Variants in TPTE observed in about 807,000 individuals in gnomAD.
The protein encoded by TPTE is transmembrane phosphatase with tensin homology, also known as putative tyrosine-protein phosphatase TPTE.
Under a neutral mutation model 84.1 loss-of-function variants are expected in TPTE, and 59 were observed. That is an observed-to-expected ratio of 0.70 (90% CI 0.57 to 0.87). The LOEUF (loss-of-function observed/expected upper bound fraction) is 0.87, where lower values mean the gene tolerates loss of function less well. Ranked by LOEUF, TPTE falls within the 40% of genes least tolerant of loss-of-function variation. The probability of loss-of-function intolerance (pLI) is 0.00; values close to 1 mark genes in which losing one functional copy is unlikely to be tolerated. For synonymous variants in TPTE, 130 were observed against 223.5 expected (o/e 0.58, Z 3.73); for missense variants, 382 against 659.6 (o/e 0.58, Z 4.61).
chr21:10,592,435 T>TA, intron 19 of TPTE, 62 bp downstream of exon 19: 1 of 1,590,012 alleles, frequency 6.3e-7, no homozygotes, highest in Non-Finnish European at 8.6e-7. Context: ...TGCCACCTGT[T>TA]ATTTGGTTTC....
In TPTE at chr21:10,524,698, T is replaced by TA. The variant is rs1360445387; in HGVS notation, c.-102+10_-102+11insA. 1 of 152,846 alleles carries TA rather than the reference T, an allele frequency of 6.5e-6. No homozygotes were observed. Among genetic ancestry groups the TA allele is most frequent in the Non-Finnish European group, 1.5e-5 (1 of 68,504 alleles). The allele number at this position is 152,846 out of a possible 1,614,324, so 9.5% of individuals were successfully genotyped here. On this transcript the variant is annotated intron_variant, in intron 2 of 23. Transcript: ENST00000618007. ...GCAGTCTGGTGTATAGGTAAGCATGTCCAGGGCTTATAGGGAGAAACTCCC... is the reference window on the plus strand; with the variant it reads ...GCAGTCTGGTGTATAGGTAAGCATGTACCAGGGCTTATAGGGAGAAACTCCC...
In TPTE at chr21:10,521,672, C is replaced by T. The variant is rs1451092228; in HGVS notation, c.-233C>T. The T allele has an allele frequency of 6.5e-6, 1 of 154,214 alleles. No homozygotes were observed. The highest frequency in any genetic ancestry group is 1.4e-5 in the Non-Finnish European group (1 of 69,872). 9.6% of individuals were successfully genotyped at this position (154,214 alleles called of 1,614,324 possible). ...CGGCGGCTCTAGGGACCCCCGGCGC[C>T]TACACTTAGCTCCGCGCCCGAGGTG... On this transcript the variant is annotated 5_prime_UTR_variant, in exon 1 of 24. Transcript: ENST00000618007.
At chr21:10,525,184 T>A (rs1483851558) in intron 2 of TPTE, among the ~76,000 whole-genome samples, 1 of 152,312 alleles carries the variant, frequency 6.6e-6, no homozygotes, top group Non-Finnish European at 1.5e-5. Flanking sequence ...ACAGTGAAGG[T>A]CACAAATGGG....
intron 11 of TPTE, among the ~76,000 whole-genome samples, chr21:10,568,441 TA>T (rs1161433326): frequency 1.3e-5 from 2 of 152,308 alleles, no homozygotes; most frequent in African/African-American, 4.8e-5. Flanking sequence ...ATTGGGAAAC[TA>T]AAGAGTATAT....
chr21:10,538,880 A>C (rs2074316307), intron 4 of TPTE, 146 bp downstream of exon 4: 1 of 1,562,186 alleles, frequency 6.4e-7, no homozygotes, highest in Non-Finnish European at 8.8e-7. Flanking sequence ...TCCACTAACA[A>C]ATCCATGCAT....
At chr21:10,601,742 A>G (rs374950367) in intron 21 of TPTE, among the ~76,000 whole-genome samples, 3 of 152,402 alleles carry the variant, frequency 2.0e-5, no homozygotes, top group East Asian at 3.9e-4. Context: ...AGTCCCAGCT[A>G]CTTGGGAGGC....
intron 23 of TPTE, among the ~76,000 whole-genome samples, chr21:10,604,351 C>G (rs554898072): frequency 6.6e-6 from 1 of 152,304 alleles, no homozygotes; most frequent in African/African-American, 2.4e-5. Flanking sequence ...CAACCATACT[C>G]TTCAATACAA....
chr21:10,599,822 AGTT>A (rs2075655398), intron 21 of TPTE, among the ~76,000 whole-genome samples: 1 of 150,236 alleles, frequency 6.7e-6, no homozygotes, highest in Admixed American at 6.6e-5. Flanking sequence ...TTAGTTAGTT[AGTT>A]AGTTGGTTCT....
At chr21:10,555,149 A>G (rs2074656968) in intron 8 of TPTE, among the ~76,000 whole-genome samples, 1 of 152,308 alleles carries the variant, frequency 6.6e-6, no homozygotes, top group Non-Finnish European at 1.5e-5. Context: ...TCTGCTTTTA[A>G]TTCAACTTTG....
chr21:10,588,892 C>T (rs1342275272), intron 17 of TPTE, among the ~76,000 whole-genome samples: 36 of 152,346 alleles, frequency 2.4e-4, no homozygotes, highest in Non-Finnish European at 3.4e-4. Flanking sequence ...TTTATCTCTT[C>T]CTTCATTTCC....
At chr21:10,546,983 A>G (rs2074479306) in intron 7 of TPTE, among the ~76,000 whole-genome samples, 1 of 152,306 alleles carries the variant, frequency 6.6e-6, no homozygotes, top group African/African-American at 2.4e-5. Context: ...AATGTAGACA[A>G]GATAGCCTTT....
chr21:10,544,542 G>A (rs1305887893), intron 7 of TPTE, among the ~76,000 whole-genome samples: 2 of 152,312 alleles, frequency 1.3e-5, no homozygotes, highest in South Asian at 2.1e-4. Context: ...GTGCCACCAT[G>A]CCAGACAAAT....
chr21:10,549,305 A>G (rs879784232), intron 7 of TPTE, among the ~76,000 whole-genome samples: 71 of 152,276 alleles, frequency 4.7e-4, no homozygotes, highest in Non-Finnish European at 8.8e-4. Context: ...GAAACACAGC[A>G]ACCATGAAAA....
At chr21:10,566,582 T>C (rs545919933) in intron 10 of TPTE, among the ~76,000 whole-genome samples, 2 of 152,424 alleles carry the variant, frequency 1.3e-5, no homozygotes, top group East Asian at 1.9e-4. Flanking sequence ...CTGTTCATAA[T>C]GGCTAAGATT....
chr21:10,529,696 C>T (rs2074142454), intron 3 of TPTE, among the ~76,000 whole-genome samples: 1 of 152,308 alleles, frequency 6.6e-6, no homozygotes, highest in Admixed American at 6.5e-5. Context: ...GTTCATATCT[C>T]TATTGTGGTT....
chr21:10,561,021 T>G lies in TPTE; in HGVS notation c.285-9T>G. The G allele has an allele frequency of 1.2e-6, 2 of 1,606,802 alleles. No homozygotes were observed. The highest frequency in any genetic ancestry group is 1.7e-6 in the Non-Finnish European group (2 of 1,178,160). On this transcript the variant is annotated splice_polypyrimidine_tract_variant and intron_variant, in intron 9 of 23. Coordinates refer to ENST00000618007, the MANE Select transcript of TPTE (RefSeq NM_199261.4). ...TTTATTTATTTATTTATTTATTTGT[T>G]TATTTTAGACTATTTGGAGTTTTCC...
At chr21:10,540,694 A>G (rs773419658) in intron 4 of TPTE, 18 of 519,254 alleles carry the variant, frequency 3.5e-5, no homozygotes, top group Non-Finnish European at 6.2e-5. Context: ...TGAGGCCTCC[A>G]GCTACTTGGC....
intron 3 of TPTE, among the ~76,000 whole-genome samples, chr21:10,536,767 A>G (rs1346001700): frequency 2.6e-5 from 4 of 152,310 alleles, no homozygotes; most frequent in Non-Finnish European, 5.9e-5. Context: ...GAACAGGGCA[A>G]AAAAGGGAAA....
At chr21:10,589,420 C>T (rs1258463804) in intron 17 of TPTE, among the ~76,000 whole-genome samples, 3 of 152,416 alleles carry the variant, frequency 2.0e-5, no homozygotes, top group African/African-American at 4.8e-5. Flanking sequence ...CTCTCTGTTG[C>T]CCCAGGCAAT....
Sources: gnomAD v4.1 joint callset for allele counts (sites outside exome capture counted in the v4.1 genomes callset) on GRCh38, gnomAD v4.1.1 for gene constraint, MANE v1.5 for transcripts, NCBI Gene and HGNC (gene_info 2026-07-23, HGNC 2026-07-21) for gene names.